Variants in PLPPR1 observed in about 807,000 individuals in gnomAD.
PLPPR1 encodes phospholipid phosphatase-related protein type 1.
PLPPR1 carries 10 observed loss-of-function variants against 33.1 expected under a neutral mutation model. That is an observed-to-expected ratio of 0.30 (90% CI 0.19 to 0.51). The LOEUF is 0.51. PLPPR1 is among the 20% of genes least tolerant of loss of function. The pLI is 0.97. For synonymous variants in PLPPR1, 151 were observed against 151.0 expected (o/e 1.00, Z 0.00); for missense variants, 304 against 408.1 (o/e 0.74, Z 2.20).
intron 1 of PLPPR1, among the ~76,000 whole-genome samples, chr9:101,041,195 A>G (rs1830074501): frequency 6.6e-6 from 1 of 152,172 alleles, no homozygotes; most frequent in South Asian, 2.1e-4. Flanking sequence ...TTATGCCATG[A>G]GTCTATTTCA....
chr9:101,200,645 T>C (rs1482951489), intron 2 of PLPPR1, among the ~76,000 whole-genome samples: 1 of 152,240 alleles, frequency 6.6e-6, no homozygotes, highest in Non-Finnish European at 1.5e-5. Flanking sequence ...TCATGTTGTA[T>C]GCCATTATTT....
intron 1 of PLPPR1, among the ~76,000 whole-genome samples, chr9:101,134,067 A>G (rs1371290218): frequency 2.0e-5 from 3 of 152,236 alleles, no homozygotes; most frequent in African/African-American, 7.2e-5. Flanking sequence ...AGGACAGTTG[A>G]GGAAATCACA....
chr9:101,138,463 G>C (rs1045868215), intron 1 of PLPPR1, among the ~76,000 whole-genome samples: 23 of 152,138 alleles, frequency 1.5e-4, no homozygotes, highest in African/African-American at 4.3e-4. Context: ...TGCATGCTGG[G>C]TGCTGTACTA....
chr9:101,078,175 A>G (rs866220551), intron 1 of PLPPR1, among the ~76,000 whole-genome samples: 8 of 21,880 alleles, frequency 3.7e-4, no homozygotes, highest in African/African-American at 6.4e-4. Context: ...AAGAAGAAGA[A>G]GAAGAAGAAG....
chr9:101,142,994 T>C (rs986989353), intron 1 of PLPPR1, among the ~76,000 whole-genome samples: 2 of 151,946 alleles, frequency 1.3e-5, no homozygotes, highest in Admixed American at 1.3e-4. Flanking sequence ...GAGATCCAAG[T>C]TCAGTGATTT....
chr9:101,135,687 T>C (rs2118621744), intron 1 of PLPPR1, among the ~76,000 whole-genome samples: 1 of 152,352 alleles, frequency 6.6e-6, no homozygotes, highest in South Asian at 2.1e-4. Flanking sequence ...GTTTCCCTTC[T>C]ACTCTGAGTT....
intron 3 of PLPPR1, among the ~76,000 whole-genome samples, chr9:101,274,244 T>C (rs1828149373): frequency 6.6e-6 from 1 of 152,216 alleles, no homozygotes; most frequent in Admixed American, 6.5e-5. Flanking sequence ...TCTTTTAATA[T>C]ACTTATATTC....
intron 4 of PLPPR1, among the ~76,000 whole-genome samples, chr9:101,303,249 G>A (rs557773581): frequency 6.6e-6 from 1 of 152,076 alleles, no homozygotes; most frequent in Non-Finnish European, 1.5e-5. Flanking sequence ...CTCCCAAAGT[G>A]CTGGGATTAC....
At chr9:101,251,792 T>C (rs1025749578) in intron 2 of PLPPR1, among the ~76,000 whole-genome samples, 23 of 152,116 alleles carry the variant, frequency 1.5e-4, no homozygotes, top group African/African-American at 5.5e-4. Flanking sequence ...AATATGTCTC[T>C]GTACTGATAT....
intron 4 of PLPPR1, among the ~76,000 whole-genome samples, chr9:101,302,431 T>C (rs1828770566): frequency 6.6e-6 from 1 of 152,232 alleles, no homozygotes; most frequent in African/African-American, 2.4e-5. Flanking sequence ...TTTACCACTT[T>C]TCCTAAAGAA....
chr9:101,288,469 A>G (rs1828432905), intron 4 of PLPPR1, among the ~76,000 whole-genome samples: 1 of 152,202 alleles, frequency 6.6e-6, no homozygotes, highest in African/African-American at 2.4e-5. Flanking sequence ...AAGGGATGCT[A>G]GAGCAGAGAG....
intron 5 of PLPPR1, among the ~76,000 whole-genome samples, chr9:101,310,812 A>G (rs1828941191): frequency 6.6e-6 from 1 of 152,194 alleles, no homozygotes; most frequent in Non-Finnish European, 1.5e-5. Context: ...TCAACCACCA[A>G]CTATGTGACA....
At chr9:101,210,523 G>C (rs1023674015) in intron 2 of PLPPR1, among the ~76,000 whole-genome samples, 1 of 152,054 alleles carries the variant, frequency 6.6e-6, no homozygotes, top group Admixed American at 6.5e-5. Flanking sequence ...ACTATAAGAG[G>C]ATTCATAGTC....
intron 1 of PLPPR1, among the ~76,000 whole-genome samples, chr9:101,161,340 A>G (rs117529740): frequency 0.01 from 1,583 of 152,294 alleles, 10 homozygotes; most frequent in Middle Eastern, 0.02. Flanking sequence ...TGGGGTATCT[A>G]TCTCTCTACA....
At chr9:101,191,912 A>G (rs1443692273) in intron 2 of PLPPR1, among the ~76,000 whole-genome samples, 1 of 152,188 alleles carries the variant, frequency 6.6e-6, no homozygotes, top group East Asian at 1.9e-4. Flanking sequence ...TGACAGTTTT[A>G]TCATTTTGAT....
intron 1 of PLPPR1, chr9:101,125,482 TGC>T (rs1831233974): frequency 3.2e-6 from 1 of 311,966 alleles, no homozygotes; most frequent in Non-Finnish European, 6.1e-6. Flanking sequence ...CAGAAATCCA[TGC>T]TTTAAGCTTC....
At chr9:101,237,455 C>CGTGT (rs57041590) in intron 2 of PLPPR1, among the ~76,000 whole-genome samples, 415 of 148,608 alleles carry the variant, frequency 2.8e-3, no homozygotes, top group Non-Finnish European at 4.3e-3. Context: ...AAAGAAAGGT[C>CGTGT]GTGTGTGTGT....
chr9:101,036,136 T>G (rs1449229559), intron 1 of PLPPR1, among the ~76,000 whole-genome samples: 5 of 152,196 alleles, frequency 3.3e-5, no homozygotes, highest in Non-Finnish European at 7.4e-5. Context: ...TTGGAATGTC[T>G]TAAATTTTGT....
At chr9:101,135,798 C>T (rs1268170185) in intron 1 of PLPPR1, among the ~76,000 whole-genome samples, 1 of 152,156 alleles carries the variant, frequency 6.6e-6, no homozygotes, top group Non-Finnish European at 1.5e-5. Context: ...CTGCTACATT[C>T]TTGTACATTT....
Sources: gnomAD v4.1 joint callset for allele counts (sites outside exome capture counted in the v4.1 genomes callset) on GRCh38, gnomAD v4.1.1 for gene constraint, MANE v1.5 for transcripts, NCBI Gene and HGNC (gene_info 2026-07-23, HGNC 2026-07-21) for gene names.